Variants in CDK14 observed in about 807,000 individuals in gnomAD.
CDK14 encodes the protein cyclin dependent kinase 14, also known as cyclin-dependent kinase 14.
A neutral mutation model predicts 60.7 loss-of-function variants in CDK14; 34 were observed. The observed-to-expected ratio is 0.56, with a 90% CI of 0.43 to 0.75. The LOEUF is 0.75. Among genes scored for constraint, CDK14 ranks in the 30% least tolerant of loss-of-function variants. The pLI, the probability that CDK14 is intolerant of heterozygous loss-of-function variation, is 0.00. For synonymous variants in CDK14, 197 were observed against 203.7 expected, an observed-to-expected ratio of 0.97 and a Z score of 0.28; for missense variants, 482 against 564.1, an observed-to-expected ratio of 0.85 and a Z score of 1.47.
At chr7:91,077,499 G>T (rs1354215091) in intron 11 of CDK14, among the ~76,000 whole-genome samples, 1 of 151,938 alleles carries the variant, frequency 6.6e-6, no homozygotes, top group African/African-American at 2.4e-5. Context: ...TGGGGAGTCA[G>T]GGGGCGAGGG....
chr7:90,645,618 T>G (rs1008251134), intron 2 of CDK14, among the ~76,000 whole-genome samples: 2 of 152,086 alleles, frequency 1.3e-5, no homozygotes, highest in African/African-American at 4.8e-5. Flanking sequence ...AGAGATGAGA[T>G]CTCACTCTGT....
intron 2 of CDK14, among the ~76,000 whole-genome samples, chr7:90,683,258 G>A (rs779488695): frequency 6.6e-6 from 1 of 152,010 alleles, no homozygotes; most frequent in Non-Finnish European, 1.5e-5. Context: ...TGAACTTACA[G>A]ATTCCTGTTT....
At chr7:91,023,595 T>C (rs1796490159) in intron 10 of CDK14, among the ~76,000 whole-genome samples, 1 of 152,180 alleles carries the variant, frequency 6.6e-6, no homozygotes, top group South Asian at 2.1e-4. Context: ...AGGGAATAGA[T>C]AGACAAATTA....
At chr7:90,650,535 G>T (rs979557921) in intron 2 of CDK14, among the ~76,000 whole-genome samples, 1 of 152,158 alleles carries the variant, frequency 6.6e-6, no homozygotes, top group Non-Finnish European at 1.5e-5. Flanking sequence ...CTTTGCCTAG[G>T]CCTACGTCCT....
At chr7:90,605,980 A>G (rs1255982835) in intron 2 of CDK14, among the ~76,000 whole-genome samples, 1 of 152,222 alleles carries the variant, frequency 6.6e-6, no homozygotes, top group Non-Finnish European at 1.5e-5. Context: ...TGTTATTCTG[A>G]AACCTCTGTA....
intron 2 of CDK14, among the ~76,000 whole-genome samples, chr7:90,618,360 A>AATGCTTCCAATTCACTGGATTTTCTTCT (rs1799695971): frequency 6.6e-6 from 1 of 152,094 alleles, no homozygotes; most frequent in South Asian, 2.1e-4. Flanking sequence ...GTAAACATAA[A>AATGCTTCCAATTCACTGGATTTTCTTCT]ATGCTTCCAA....
At chr7:90,766,690 A>G (rs981347262) in intron 4 of CDK14, among the ~76,000 whole-genome samples, 9 of 152,134 alleles carry the variant, frequency 5.9e-5, no homozygotes, top group African/African-American at 2.2e-4. Flanking sequence ...TGTAAGGTCC[A>G]GGGTCAGGTT....
chr7:90,605,617 C>T (rs1393205160), intron 2 of CDK14, among the ~76,000 whole-genome samples: 3 of 151,846 alleles, frequency 2.0e-5, no homozygotes, highest in Non-Finnish European at 4.4e-5. Flanking sequence ...AGAAAGTTTC[C>T]CCTCTAATTA....
intron 13 of CDK14, among the ~76,000 whole-genome samples, chr7:91,114,277 T>C (rs1799548363): frequency 1.3e-5 from 2 of 152,166 alleles, no homozygotes; most frequent in Admixed American, 1.3e-4. Context: ...TATGGACTTA[T>C]TACCCACTTG....
chr7:91,159,388 C>T (rs1292239941), intron 14 of CDK14, among the ~76,000 whole-genome samples: 1 of 152,162 alleles, frequency 6.6e-6, no homozygotes, highest in African/African-American at 2.4e-5. Flanking sequence ...ACTTAATCAT[C>T]CTCTGTCTGC....
intron 5 of CDK14, among the ~76,000 whole-genome samples, chr7:90,818,124 A>G (rs928016796): frequency 1.3e-5 from 2 of 151,648 alleles, no homozygotes; most frequent in African/African-American, 4.8e-5. Flanking sequence ...TGTTACCCCA[A>G]CTCCTGCTCC....
At chr7:90,706,227 G>A (rs535760118) in intron 2 of CDK14, among the ~76,000 whole-genome samples, 2 of 152,260 alleles carry the variant, frequency 1.3e-5, no homozygotes, top group African/African-American at 4.8e-5. Flanking sequence ...TGTGAATCCT[G>A]TATGACATAA....
intron 8 of CDK14, among the ~76,000 whole-genome samples, chr7:90,929,130 C>T (rs1163460290): frequency 6.6e-6 from 1 of 152,218 alleles, no homozygotes; most frequent in Non-Finnish European, 1.5e-5. Flanking sequence ...TCTGTCACGG[C>T]TTCTCTTTGC....
At chr7:91,017,700 C>G (rs957194306) in intron 10 of CDK14, among the ~76,000 whole-genome samples, 6 of 152,158 alleles carry the variant, frequency 3.9e-5, no homozygotes, top group Admixed American at 2.6e-4. Context: ...GGATGAGTAT[C>G]ACAGCGTCTG....
chr7:91,010,318 A>G (rs1437608692), intron 10 of CDK14, among the ~76,000 whole-genome samples: 1 of 152,082 alleles, frequency 6.6e-6, no homozygotes, highest in Non-Finnish European at 1.5e-5. Flanking sequence ...TTGGTATTTA[A>G]ATGAGATTAT....
At chr7:91,017,064 T>C (rs1428465130) in intron 10 of CDK14, among the ~76,000 whole-genome samples, 2 of 152,246 alleles carry the variant, frequency 1.3e-5, no homozygotes, top group Non-Finnish European at 2.9e-5. Context: ...TTCTTCACTT[T>C]ATCTGCTGGA....
intron 14 of CDK14, among the ~76,000 whole-genome samples, chr7:91,160,738 T>A (rs1281405290): frequency 2.0e-5 from 3 of 152,142 alleles, no homozygotes; most frequent in African/African-American, 7.2e-5. Flanking sequence ...TTTTATTTAC[T>A]TTATTATAAT....
chr7:90,768,532 T>G (rs1346572919), intron 4 of CDK14, among the ~76,000 whole-genome samples: 1 of 152,238 alleles, frequency 6.6e-6, no homozygotes, highest in Non-Finnish European at 1.5e-5. Context: ...GGCGTCTCAG[T>G]TTCTCATCTG....
At chr7:90,721,798 G>A (rs1012641796) in intron 2 of CDK14, among the ~76,000 whole-genome samples, 29 of 152,066 alleles carry the variant, frequency 1.9e-4, no homozygotes, top group Admixed American at 1.5e-3. Context: ...TTGACATTCC[G>A]TACTTCTGTC....
Sources: gnomAD v4.1 joint callset for allele counts (sites outside exome capture counted in the v4.1 genomes callset) on GRCh38, gnomAD v4.1.1 for gene constraint, MANE v1.5 for transcripts, NCBI Gene and HGNC (gene_info 2026-07-23, HGNC 2026-07-21) for gene names.